The following CDK14 variants were observed in gnomAD, a reference collection of about 807,000 sequenced individuals.
The protein encoded by CDK14 is cyclin dependent kinase 14, also known as cyclin-dependent kinase 14.
In CDK14, 34 loss-of-function variants were observed where a neutral mutation model predicts 60.7. That is an observed-to-expected ratio of 0.56 (90% confidence interval 0.43 to 0.75). The LOEUF (loss-of-function observed/expected upper bound fraction) is 0.75, where lower values mean the gene tolerates loss of function less well. Among genes scored for constraint, CDK14 ranks in the 30% least tolerant of loss-of-function variants. The pLI is 0.00. For missense variants in CDK14, 482 were observed against 564.1 expected, an observed-to-expected ratio of 0.85 and a Z score of 1.47; for synonymous variants, 197 against 203.7, an observed-to-expected ratio of 0.97 and a Z score of 0.28.
chr7:90,945,819 C>T (rs1243453696), intron 8 of CDK14, among the ~76,000 whole-genome samples: 1 of 152,166 alleles, frequency 6.6e-6, no homozygotes, highest in Non-Finnish European at 1.5e-5. Context: ...ATGTATTTCA[C>T]AGACAAAGCC....
At chr7:91,136,214 G>T (rs1253188029) in intron 14 of CDK14, among the ~76,000 whole-genome samples, 4 of 152,136 alleles carry the variant, frequency 2.6e-5, no homozygotes, top group Non-Finnish European at 5.9e-5. Context: ...TCTGTGTCCA[G>T]TTTTCAAAAC....
At chr7:90,946,087 A>G (rs1794090646) in intron 8 of CDK14, among the ~76,000 whole-genome samples, 1 of 152,184 alleles carries the variant, frequency 6.6e-6, no homozygotes, top group Non-Finnish European at 1.5e-5. Context: ...GGCAGAATGA[A>G]CAGAACTTTG....
At chr7:90,642,446 C>G (rs1185669677) in intron 2 of CDK14, among the ~76,000 whole-genome samples, 1 of 152,044 alleles carries the variant, frequency 6.6e-6, no homozygotes, top group Non-Finnish European at 1.5e-5. Context: ...ATTTCTATAC[C>G]TGCTAATTTT....
chr7:90,952,578 C>A (rs755800974), intron 8 of CDK14, among the ~76,000 whole-genome samples: 1 of 152,128 alleles, frequency 6.6e-6, no homozygotes, highest in Non-Finnish European at 1.5e-5. Context: ...AGGTGCCCAT[C>A]GGAATTGTAC....
In CDK14 at chr7:90,754,551, C is replaced by T. The variant is rs913418463; in HGVS notation, c.464+6776C>T. Among the ~76,000 whole-genome samples the T allele has an allele frequency of 3.3e-5, 5 of 152,138 alleles. 1 individual carries two copies. The highest frequency in any genetic ancestry group is 3.8e-4 in the East Asian group (2 of 5,198). On this transcript the variant is annotated intron_variant, in intron 4 of 14. Transcript: ENST00000380050. ...TCCTAGAAGAAAATTTAGGAAACATCGTCTGAGCATCGGCCTTTGGAAACG... is the reference window on the plus strand; with the variant it reads ...TCCTAGAAGAAAATTTAGGAAACATTGTCTGAGCATCGGCCTTTGGAAACG...
chr7:90,915,069 T>C (rs188937590), intron 7 of CDK14, among the ~76,000 whole-genome samples: 2 of 152,182 alleles, frequency 1.3e-5, no homozygotes, highest in African/African-American at 4.8e-5. Context: ...GGGAAGGCTC[T>C]AGGGAGGAGC....
intron 6 of CDK14, among the ~76,000 whole-genome samples, chr7:90,880,543 G>T (rs1791712807): frequency 6.6e-6 from 1 of 152,124 alleles, no homozygotes; most frequent in African/African-American, 2.4e-5. Flanking sequence ...CAGATGAGTG[G>T]GTTTCCCCAC....
chr7:90,810,575 C>T (rs1348172568), intron 5 of CDK14, among the ~76,000 whole-genome samples: 1 of 152,094 alleles, frequency 6.6e-6, no homozygotes, highest in Non-Finnish European at 1.5e-5. Flanking sequence ...ACAGGGATGC[C>T]CTCTCTCACC....
At chr7:90,606,264 CGGGGTATAAT>C (rs1385459997) in intron 2 of CDK14, among the ~76,000 whole-genome samples, 2 of 152,090 alleles carry the variant, frequency 1.3e-5, no homozygotes, top group African/African-American at 2.4e-5. Context: ...GAAGGCATGC[CGGGGTATAAT>C]CCCCAATTCA....
At chr7:90,781,557 A>G (rs75562419) in intron 4 of CDK14, among the ~76,000 whole-genome samples, 79,995 of 140,438 alleles carry the variant, frequency 0.57, 23,455 homozygotes, top group East Asian at 0.91. Flanking sequence ...GAGGTCTAAC[A>G]TGTAAGTCTT....
chr7:91,151,583 A>G (rs954225023), intron 14 of CDK14, among the ~76,000 whole-genome samples: 33 of 152,172 alleles, frequency 2.2e-4, no homozygotes. Flanking sequence ...GCTATTTTAA[A>G]TAATATTTGC....
chr7:90,759,853 C>A (rs1804246597), intron 4 of CDK14, among the ~76,000 whole-genome samples: 1 of 152,178 alleles, frequency 6.6e-6, no homozygotes, highest in Admixed American at 6.5e-5. Context: ...CACAGATGAT[C>A]CTGATCTCTG....
chr7:91,127,669 CT>C lies in CDK14; in HGVS notation c.*28+9470del, dbSNP rs998127858. Among the ~76,000 whole-genome samples, 9 of 149,940 alleles carry C rather than the reference CT, an allele frequency of 6.0e-5. No homozygotes were observed. The South Asian group carries it at 1.5e-3, about 24-fold the overall frequency. On this transcript the variant is annotated intron_variant, in intron 14 of 14. Transcript: ENST00000380050. The stretch of plus-strand genomic sequence containing the variant: ...TGGTACAATGTTAAAATTTTAACTT[CT>C]TTTTTTTTAAAGGAGAAGTTCTCCC...
intron 12 of CDK14, among the ~76,000 whole-genome samples, chr7:91,089,408 T>G (rs1798737036): frequency 6.6e-6 from 1 of 152,162 alleles, no homozygotes; most frequent in Non-Finnish European, 1.5e-5. Context: ...CTTCTCATCT[T>G]GATTCTAAAG....
intron 14 of CDK14, among the ~76,000 whole-genome samples, chr7:91,188,582 A>G (rs992447242): frequency 3.3e-5 from 5 of 152,180 alleles, no homozygotes; most frequent in Admixed American, 6.5e-5. Flanking sequence ...ATACATAACT[A>G]TTTTTAAAAT....
At chr7:91,155,080 A>G (rs1418042781) in intron 14 of CDK14, among the ~76,000 whole-genome samples, 1 of 152,180 alleles carries the variant, frequency 6.6e-6, no homozygotes, top group Non-Finnish European at 1.5e-5. Context: ...TCAGAAGTGA[A>G]CTATTGACAT....
chr7:90,770,545 G>A (rs545395807), intron 4 of CDK14, among the ~76,000 whole-genome samples: 12 of 152,294 alleles, frequency 7.9e-5, no homozygotes, highest in Middle Eastern at 3.4e-3. Context: ...TAATACAAAC[G>A]TGGATTGATG....
At chr7:90,698,025 G>A (rs1467513917) in intron 2 of CDK14, among the ~76,000 whole-genome samples, 2 of 121,674 alleles carry the variant, frequency 1.6e-5, no homozygotes, top group Non-Finnish European at 3.1e-5. Context: ...CTGAGATCAC[G>A]TCACTGCACT....
intron 14 of CDK14, among the ~76,000 whole-genome samples, chr7:91,203,436 TGCC>T (rs1392756020): frequency 6.6e-6 from 1 of 152,232 alleles, no homozygotes; most frequent in Non-Finnish European, 1.5e-5. Flanking sequence ...AACATACTGA[TGCC>T]ACCTGTCCCC....
Sources: gnomAD v4.1 joint callset for allele counts (sites outside exome capture counted in the v4.1 genomes callset) on GRCh38, gnomAD v4.1.1 for gene constraint, MANE v1.5 for transcripts, NCBI Gene and HGNC (gene_info 2026-07-23, HGNC 2026-07-21) for gene names.